The following MYO7B variants were observed in gnomAD, a reference collection of about 807,000 sequenced individuals.
MYO7B encodes unconventional myosin-VIIb.
Under a neutral mutation model 259.7 loss-of-function variants are expected in MYO7B, and 212 were observed. The observed-to-expected ratio is 0.82, with a 90% CI of 0.73 to 0.91. The LOEUF is 0.91. Among genes scored for constraint, MYO7B ranks in the 40% least tolerant of loss-of-function variants. The pLI, the probability that MYO7B is intolerant of heterozygous loss-of-function variation, is 0.00. For synonymous variants in MYO7B, 1,197 were observed against 1,166.4 expected (o/e 1.03, Z -0.54); for missense variants, 2,732 against 2,813.5 (o/e 0.97, Z 0.66).
At chr2:127,589,975 G>C in intron 15 of MYO7B, 117 bp from the exon 16 acceptor site, 1 of 1,173,594 alleles carries the variant, frequency 8.5e-7, no homozygotes, top group South Asian at 1.5e-5. Context: ...TTCTTGAATA[G>C]GTAGATGCAC....
Position 127,584,162 on chromosome 2 carries a change from C to G in MYO7B, c.1384C>G (p.Gln462Glu). The G allele has an allele frequency of 6.2e-7, 1 of 1,613,926 alleles. No individual in the cohort carries two copies. Among genetic ancestry groups the G allele is most frequent in the Non-Finnish European group, 8.5e-7 (1 of 1,179,858 alleles). Residue 462 changes from glutamine (Q) to glutamate (E), a missense_variant, in exon 13 of 48, where the codon CAG becomes GAG. By Grantham distance (29) the Gln-to-Glu change is conservative. Transcript: ENST00000409816. The surrounding 1 kb of genome is among the most constrained non-coding windows in gnomAD (Gnocchi z 5.8). ...LCINFANEHL[Q>E]QFFVQHVFTM... Reference sequence around the variant, plus strand: ...CATCAACTTCGCCAACGAGCACCTGCAGCAGTTCTTTGTGCAGCACGTGTT... The same window carrying G: ...CATCAACTTCGCCAACGAGCACCTGGAGCAGTTCTTTGTGCAGCACGTGTT...
At chr2:127,625,140 C>T (rs1417130966) in intron 30 of MYO7B, among the ~76,000 whole-genome samples, 4 of 152,348 alleles carry the variant, frequency 2.6e-5, no homozygotes, top group East Asian at 3.9e-4. Context: ...GGAGAGCAGC[C>T]GTTGTCCTCA....
At chr2:127,545,126 T>C (rs1558790495) in intron 1 of MYO7B, among the ~76,000 whole-genome samples, 1 of 152,262 alleles carries the variant, frequency 6.6e-6, no homozygotes, top group Non-Finnish European at 1.5e-5. Context: ...GTTGAGTTTT[T>C]GTTTGTTTCC....
rs532517423 is a variant in MYO7B, at chr2:127,571,011, C to T, written c.592+1101C>T. ...CGTTCAGGACATCTGGGTTGTTTAT[C>T]GTTTTTAGCTGCTAGGAGTAAAACC... is the stretch of plus-strand genomic sequence containing the variant. On this transcript the variant is annotated intron_variant, in intron 6 of 47. Coordinates refer to ENST00000409816, the MANE Select transcript of MYO7B (RefSeq NM_001393586.1). Among the ~76,000 whole-genome samples, 8 of 152,286 alleles carry T rather than the reference C, an allele frequency of 5.3e-5. No homozygotes were observed. The South Asian group carries it at 1.2e-3, about 24-fold the overall frequency.
chr2:127,560,464 C>T (rs994513152), intron 2 of MYO7B, among the ~76,000 whole-genome samples: 1 of 152,182 alleles, frequency 6.6e-6, no homozygotes, highest in African/African-American at 2.4e-5. Flanking sequence ...GTTCCCTTCA[C>T]TCAACAAATA....
At chr2:127,624,876 G>A (rs1330455125) in intron 30 of MYO7B, among the ~76,000 whole-genome samples, 5 of 152,188 alleles carry the variant, frequency 3.3e-5, no homozygotes, top group South Asian at 2.1e-4. Flanking sequence ...ATGCTGTTCC[G>A]GGACCCATTG....
In MYO7B at chr2:127,637,544, C is replaced by A; in HGVS notation, c.*127C>A. ...CTTCCATGCTGCCCCCCATACAAAG[C>A]CCACTCAGCCCCGCAGGCGGCCCCC... On this transcript the variant is annotated 3_prime_UTR_variant, in exon 48 of 48. Coordinates refer to ENST00000409816, the MANE Select transcript of MYO7B (RefSeq NM_001393586.1). 1.4e-6 allele frequency: 1 copy of A among 691,818 alleles called. No individual in the cohort carries two copies. The highest frequency in any genetic ancestry group is 2.3e-6 in the Non-Finnish European group (1 of 432,656). 42.9% of individuals were successfully genotyped at this position (691,818 alleles called of 1,614,324 possible).
chr2:127,572,122 G>GA (rs1029772044), intron 6 of MYO7B, among the ~76,000 whole-genome samples: 60 of 152,186 alleles, frequency 3.9e-4, no homozygotes, highest in Middle Eastern at 3.4e-3. Context: ...ACACAGCATA[G>GA]AAAAAAAGAC....
At chr2:127,630,003 C>T (rs572162397) in intron 35 of MYO7B, among the ~76,000 whole-genome samples, 177 bp downstream of exon 35, 1 of 152,358 alleles carries the variant, frequency 6.6e-6, no homozygotes, top group South Asian at 2.1e-4. Context: ...AGTGCCAGCC[C>T]AGCTCTTGGT....
intron 1 of MYO7B, among the ~76,000 whole-genome samples, chr2:127,554,170 G>A (rs1479269052): frequency 6.6e-6 from 1 of 152,128 alleles, no homozygotes; most frequent in Admixed American, 6.5e-5. Context: ...TGCCTCCCGG[G>A]TTTAAGCGAT....
rs1677991866 is a variant in MYO7B, at chr2:127,559,719, C to T, written c.-4C>T. ...ATACAGGCTTGTGGAACTGCTGACT[C>T]AGGATGTCGGGGTTCAGGCTGGTAA... On this transcript the variant is annotated 5_prime_UTR_variant, in exon 2 of 48. Coordinates refer to ENST00000409816, the MANE Select transcript of MYO7B (RefSeq NM_001393586.1). This position sits in a 1 kb window ranked among gnomAD's most constrained non-coding sequence, Gnocchi z 4.1. 3.7e-6 allele frequency: 6 copies of T among 1,613,828 alleles called. No homozygotes were observed. The South Asian group carries it at 4.4e-5, about 12-fold the overall frequency.
At chr2:127,612,650 C>T in intron 26 of MYO7B, 47 bp downstream of exon 26, 1 of 1,591,616 alleles carries the variant, frequency 6.3e-7, no homozygotes, top group Non-Finnish European at 8.5e-7. Flanking sequence ...ATCAGATGCC[C>T]TCACTGGCTC....
chr2:127,547,737 C>CA (rs1693291413), intron 1 of MYO7B, among the ~76,000 whole-genome samples: 1 of 152,154 alleles, frequency 6.6e-6, no homozygotes, highest in Non-Finnish European at 1.5e-5. Context: ...TGAAGGATGA[C>CA]AGGAGACTAA....
chr2:127,593,674 G>A, intron 18 of MYO7B, 30 bp downstream of exon 18: 1 of 1,600,148 alleles, frequency 6.2e-7, no homozygotes, highest in Non-Finnish European at 8.6e-7. Flanking sequence ...GCCAGCTGTC[G>A]GCCTCCTGCA....
At position 127,611,408 on chromosome 2, in the gene MYO7B, G is replaced by C. The variant is rs1680382840; in HGVS notation, c.3193-842G>C. 6.6e-6 allele frequency among the ~76,000 whole-genome samples: 1 copy of C among 152,198 alleles called. No individual in the cohort carries two copies. The highest frequency in any genetic ancestry group is 1.5e-5 in the Non-Finnish European group (1 of 68,034). ...GTCCAGCCAACCAGCACCTCTGAAG[G>C]GTGGACATGGGGGGAAGCAGGACTG... On this transcript the variant is annotated intron_variant, in intron 24 of 47. Transcript: ENST00000409816. The surrounding 1 kb of genome is among the most constrained non-coding windows in gnomAD (Gnocchi z 5.4).
At chr2:127,543,133 C>T (rs924829953) in intron 1 of MYO7B, among the ~76,000 whole-genome samples, 5 of 152,138 alleles carry the variant, frequency 3.3e-5, no homozygotes, top group Admixed American at 2.0e-4. Context: ...TTACGGGTGT[C>T]GGGCTGGGGG....
chr2:127,573,705 G>C (rs1678739775), intron 6 of MYO7B, among the ~76,000 whole-genome samples: 2 of 152,188 alleles, frequency 1.3e-5, no homozygotes, highest in Admixed American at 6.5e-5. Context: ...GCGTCTGCAA[G>C]CACACTCCAT....
chr2:127,576,765 G>C lies in MYO7B; in HGVS notation c.849+57G>C. 1 of 1,280,892 alleles carries C rather than the reference G, an allele frequency of 7.8e-7. No individual in the cohort carries two copies. Among genetic ancestry groups the C allele is most frequent in the Non-Finnish European group, 1.1e-6 (1 of 899,128 alleles). 79.3% of individuals were successfully genotyped at this position (1,280,892 alleles called of 1,614,324 possible). A position where few individuals can be genotyped will look rare whatever the true frequency, so the allele number is the denominator to read the frequency against. ...CAGTGGAAGGGAGGAAAAAGAGCTT[G>C]TGCCGCTCCACCCTCCGCGACAGCT... On this transcript the variant is annotated intron_variant, in intron 8 of 47. Coordinates refer to ENST00000409816, the MANE Select transcript of MYO7B (RefSeq NM_001393586.1). The surrounding 1 kb of genome is among the most constrained non-coding windows in gnomAD (Gnocchi z 4.9).
At position 127,557,044 on chromosome 2, in the gene MYO7B, A is replaced by G. The variant is rs117054539; in HGVS notation, c.-23-2656A>G. On this transcript the variant is annotated intron_variant, in intron 1 of 47. Transcript: ENST00000409816. Reference sequence around the variant, plus strand: ...TTATTCTTAGGTTTGGTTGTTTTACATAATCCCAAACTTCTTGGAGGCTTT... The same window carrying G: ...TTATTCTTAGGTTTGGTTGTTTTACGTAATCCCAAACTTCTTGGAGGCTTT... Among the ~76,000 whole-genome samples the G allele has an allele frequency of 1.7e-3, 264 of 152,328 alleles. 10 individuals carry two copies. In the East Asian group the frequency reaches 0.046, roughly 27 times the overall value.
Sources: allele counts gnomAD v4.1 joint callset (sites outside exome capture counted in the v4.1 genomes callset), GRCh38; gene constraint gnomAD v4.1.1; non-coding constraint Gnocchi (gnomAD v3.1); transcripts MANE v1.5; gene names NCBI Gene and HGNC (gene_info 2026-07-23, HGNC 2026-07-21).